The following SGCZ variants were observed in gnomAD, a reference collection of about 807,000 sequenced individuals.
SGCZ encodes the protein sarcoglycan zeta.
Under a neutral mutation model 41.3 loss-of-function variants are expected in SGCZ, and 40 were observed. The ratio of observed to expected loss-of-function variants is 0.97; its 90% CI spans 0.75 to 1.26. The LOEUF is 1.26. SGCZ is among the 50% of genes most tolerant of loss of function. The probability of loss-of-function intolerance (pLI) is 0.00; values close to 1 mark genes in which losing one functional copy is unlikely to be tolerated. For synonymous variants in SGCZ, 206 were observed against 137.5 expected (o/e 1.50, Z -3.49); for missense variants, 552 against 369.8 (o/e 1.49, Z -4.04).
At chr8:14,755,531 G>T (rs184161428) in intron 1 of SGCZ, among the ~76,000 whole-genome samples, 11 of 152,094 alleles carry the variant, frequency 7.2e-5, no homozygotes, top group Admixed American at 1.3e-4. Flanking sequence ...CTTTTAATAA[G>T]CTCTTAACAA....
intron 2 of SGCZ, among the ~76,000 whole-genome samples, chr8:14,553,537 T>C (rs1239254368): frequency 6.6e-6 from 1 of 152,086 alleles, no homozygotes; most frequent in Non-Finnish European, 1.5e-5. Context: ...CGTGGCTCAT[T>C]TCCCTCCATG....
At chr8:14,611,388 G>C (rs1462173541) in intron 1 of SGCZ, among the ~76,000 whole-genome samples, 4 of 152,126 alleles carry the variant, frequency 2.6e-5, no homozygotes, top group Admixed American at 6.6e-5. Flanking sequence ...AGGGGAAAAT[G>C]ACACTTTTAG....
chr8:14,653,499 A>C (rs1197675908), intron 1 of SGCZ, among the ~76,000 whole-genome samples: 1 of 152,154 alleles, frequency 6.6e-6, no homozygotes, highest in Admixed American at 6.6e-5. Context: ...ACTATTATTC[A>C]GTAGCGCTGC....
At chr8:15,145,302 T>C (rs1799008240) in intron 1 of SGCZ, among the ~76,000 whole-genome samples, 2 of 152,172 alleles carry the variant, frequency 1.3e-5, no homozygotes, top group Admixed American at 6.5e-5. Context: ...TAAAATATTA[T>C]TTGGTAATAA....
At chr8:14,392,445 G>T (rs979044779) in intron 2 of SGCZ, among the ~76,000 whole-genome samples, 2 of 152,260 alleles carry the variant, frequency 1.3e-5, no homozygotes, top group East Asian at 3.9e-4. Context: ...TTTAAGGCTG[G>T]TTATTGCCAA....
intron 1 of SGCZ, among the ~76,000 whole-genome samples, chr8:14,930,562 A>T (rs1427044336): frequency 6.6e-6 from 1 of 152,060 alleles, no homozygotes; most frequent in Admixed American, 6.5e-5. Flanking sequence ...CACTGTTCAC[A>T]ATAGCAAAGA....
intron 1 of SGCZ, among the ~76,000 whole-genome samples, chr8:15,042,531 C>G (rs1804142800): frequency 6.6e-6 from 1 of 152,128 alleles, no homozygotes; most frequent in Non-Finnish European, 1.5e-5. Flanking sequence ...TGACCTAAAA[C>G]AAACCAACAA....
chr8:14,106,161 A>G (rs1021660078), intron 6 of SGCZ, among the ~76,000 whole-genome samples: 1 of 152,216 alleles, frequency 6.6e-6, no homozygotes, highest in East Asian at 1.9e-4. Context: ...TATTGCAACT[A>G]GGATGTGGTA....
At chr8:14,987,623 A>G (rs1801866916) in intron 1 of SGCZ, among the ~76,000 whole-genome samples, 1 of 151,946 alleles carries the variant, frequency 6.6e-6, no homozygotes, top group South Asian at 2.1e-4. Flanking sequence ...TCTCCAAAAT[A>G]TTAGTAGAAG....
intron 3 of SGCZ, among the ~76,000 whole-genome samples, chr8:14,276,248 G>T (rs1433228223): frequency 6.6e-6 from 1 of 152,242 alleles, no homozygotes; most frequent in East Asian, 1.9e-4. Flanking sequence ...TTGGAATGTG[G>T]TGTGTATTTA....
chr8:14,558,574 T>G lies in SGCZ; in HGVS notation c.40-3648A>C, dbSNP rs367704224. On this transcript the variant is annotated intron_variant, in intron 1 of 7. Coordinates refer to ENST00000382080, the MANE Select transcript of SGCZ (RefSeq NM_139167.4). ...TGGGTGACAGAATGAGAATGACTCTTAGAGAGAGAGAGAGAGAGAGAGAGA... is the reference window on the plus strand; with the variant it reads ...TGGGTGACAGAATGAGAATGACTCTGAGAGAGAGAGAGAGAGAGAGAGAGA... Among the ~76,000 whole-genome samples the G allele has an allele frequency of 2.6e-4, 26 of 99,810 alleles. No individual in the cohort carries two copies. The South Asian group carries it at 4.1e-3, about 16-fold the overall frequency. The allele number at this position is 99,810 out of a possible 152,430, so 65.5% of individuals were successfully genotyped here.
intron 1 of SGCZ, among the ~76,000 whole-genome samples, chr8:14,781,717 T>C (rs2130436219): frequency 6.6e-6 from 1 of 152,292 alleles, no homozygotes; most frequent in Non-Finnish European, 1.5e-5. Context: ...ATTGAAAATA[T>C]CAATTTAAAA....
intron 1 of SGCZ, among the ~76,000 whole-genome samples, chr8:14,677,829 G>A (rs574947530): frequency 6.6e-6 from 1 of 151,954 alleles, no homozygotes; most frequent in African/African-American, 2.4e-5. Flanking sequence ...AGAGGCAAAA[G>A]GCCTAGAACA....
chr8:14,339,604 A>C (rs1388626600), intron 2 of SGCZ, among the ~76,000 whole-genome samples: 1 of 152,166 alleles, frequency 6.6e-6, no homozygotes, highest in East Asian at 1.9e-4. Flanking sequence ...ATTTGTGTGC[A>C]GCCATGTTAG....
chr8:14,914,585 C>T (rs57141057), intron 1 of SGCZ, among the ~76,000 whole-genome samples: 4,089 of 152,112 alleles, frequency 0.027, 191 homozygotes, highest in African/African-American at 0.094. Context: ...AGTCATAGCC[C>T]ATACATTCTA....
chr8:15,027,868 G>A (rs1435043665), intron 1 of SGCZ, among the ~76,000 whole-genome samples: 2 of 152,008 alleles, frequency 1.3e-5, no homozygotes, highest in Admixed American at 6.6e-5. Context: ...CTCTTCCTCT[G>A]TGTCTGAGAC....
chr8:14,643,549 A>G (rs1252597407), intron 1 of SGCZ, among the ~76,000 whole-genome samples: 2 of 151,664 alleles, frequency 1.3e-5, no homozygotes, highest in African/African-American at 4.8e-5. Context: ...TTTCAAAAAA[A>G]AAAAGAGAAG....
At chr8:15,031,076 T>C (rs754015181) in intron 1 of SGCZ, among the ~76,000 whole-genome samples, 3 of 152,180 alleles carry the variant, frequency 2.0e-5, no homozygotes, top group Non-Finnish European at 4.4e-5. Context: ...CGTGTGTGTG[T>C]GTGTGTGCGT....
At chr8:14,626,889 A>G (rs1563162993) in intron 1 of SGCZ, among the ~76,000 whole-genome samples, 1 of 152,156 alleles carries the variant, frequency 6.6e-6, no homozygotes, top group Non-Finnish European at 1.5e-5. Context: ...TAGCAAACTA[A>G]TAAACTGGCT....
Sources: allele counts gnomAD v4.1 joint callset (sites outside exome capture counted in the v4.1 genomes callset), GRCh38; gene constraint gnomAD v4.1.1; transcripts MANE v1.5; gene names NCBI Gene and HGNC (gene_info 2026-07-23, HGNC 2026-07-21).